Variants in GANC observed in about 807,000 individuals in gnomAD.
GANC encodes glucosidase alpha, neutral C, also known as neutral alpha-glucosidase C.
Under a neutral mutation model 124.2 loss-of-function variants are expected in GANC, and 117 were observed. That is an observed-to-expected ratio of 0.94 (90% CI 0.81 to 1.10). The LOEUF (loss-of-function observed/expected upper bound fraction) is 1.10. Ranked by LOEUF, GANC falls within the 50% of genes least tolerant of loss-of-function variation. GANC has a pLI of 0.00. For missense variants in GANC, 1,140 were observed against 1,095.0 expected, an observed-to-expected ratio of 1.04 and a Z score of -0.58; for synonymous variants, 377 against 376.8, an observed-to-expected ratio of 1.00 and a Z score of -0.01.
rs973652455 is a variant in GANC, at chr15:42,291,470, C to T, written c.330-1265C>T. On this transcript the variant is annotated intron_variant, in intron 4 of 23. Coordinates refer to ENST00000318010, the MANE Select transcript of GANC (RefSeq NM_198141.3). ...GTTGAAGTGGATTTGTTTCATGCAACCAGCTCATCTAGCCCCTCTGGATTC... is the reference window on the plus strand; with the variant it reads ...GTTGAAGTGGATTTGTTTCATGCAATCAGCTCATCTAGCCCCTCTGGATTC... Among the ~76,000 whole-genome samples, 5 of 152,146 alleles carry T rather than the reference C, an allele frequency of 3.3e-5. 1 individual carries two copies. The highest frequency in any genetic ancestry group is 2.1e-4 in the South Asian group (1 of 4,824).
intron 4 of GANC, among the ~76,000 whole-genome samples, chr15:42,290,165 C>G (rs11638784): frequency 0.73 from 111,058 of 152,168 alleles, 43,135 homozygotes; most frequent in Middle Eastern, 0.87. Context: ...CTTAAATGAC[C>G]ACTGGTGGTC....
Position 42,273,226 on chromosome 15 carries a change from G to A in GANC, c.-1256G>A, listed in dbSNP as rs760253720. On this transcript the variant is annotated 5_prime_UTR_variant, in exon 1 of 24. Coordinates refer to ENST00000318010, the MANE Select transcript of GANC (RefSeq NM_198141.3). ...GTAGCCCCACCCCTTGCTCCTCTAGGTTCAGACGTTAGTGAAGTGAATACT... is the reference window on the plus strand; with the variant it reads ...GTAGCCCCACCCCTTGCTCCTCTAGATTCAGACGTTAGTGAAGTGAATACT... 1.8e-5 allele frequency: 29 copies of A among 1,612,970 alleles called. No individual in the cohort carries two copies. The highest frequency in any genetic ancestry group is 1.7e-4 in the Admixed American group (10 of 59,980).
intron 21 of GANC, 55 bp downstream of exon 21, chr15:42,348,271 C>G: frequency 4.6e-6 from 5 of 1,084,788 alleles, no homozygotes; most frequent in Non-Finnish European, 7.0e-6. Context: ...ACAGTGATAG[C>G]CTTTTGAGTG....
chr15:42,337,258 G>C (rs560211036), intron 15 of GANC, among the ~76,000 whole-genome samples: 2 of 152,300 alleles, frequency 1.3e-5, no homozygotes, highest in East Asian at 3.9e-4. Flanking sequence ...TGGTAAACTG[G>C]ATAAAGAAAA....
intron 18 of GANC, among the ~76,000 whole-genome samples, chr15:42,342,416 T>A (rs910002333): frequency 6.6e-6 from 1 of 152,030 alleles, no homozygotes; most frequent in Non-Finnish European, 1.5e-5. Context: ...ACCCTGTCTC[T>A]ACAAAAAATT....
intron 15 of GANC, among the ~76,000 whole-genome samples, chr15:42,336,286 T>C (rs771341617): frequency 1.1e-4 from 16 of 152,050 alleles, no homozygotes; most frequent in Non-Finnish European, 2.4e-4. Flanking sequence ...AAAACAGGCA[T>C]GTAGACCAAT....
At chr15:42,300,911 G>A (rs1314234587) in intron 6 of GANC, among the ~76,000 whole-genome samples, 2 of 151,990 alleles carry the variant, frequency 1.3e-5, no homozygotes, top group African/African-American at 4.8e-5. Flanking sequence ...CCAGCTACTA[G>A]GGAGGCTGAA....
At chr15:42,292,000 T>G (rs994927916) in intron 4 of GANC, among the ~76,000 whole-genome samples, 29 of 152,246 alleles carry the variant, frequency 1.9e-4, no homozygotes, top group Non-Finnish European at 4.0e-4. Context: ...CTTTTTACCT[T>G]CCTGAAAGAG....
intron 13 of GANC, 47 bp from the exon 14 acceptor site, chr15:42,329,259 T>C (rs1478337585): frequency 6.3e-7 from 1 of 1,575,084 alleles, no homozygotes; most frequent in African/African-American, 1.4e-5. Flanking sequence ...AGCTATTATA[T>C]AGACATCATC....
chr15:42,273,249 A>T lies in GANC; in HGVS notation c.-1233A>T, dbSNP rs888073236. ...AGGTTCAGACGTTAGTGAAGTGAAT[A>T]CTCACCGACGGTATCGGAATGTGCC... On this transcript the variant is annotated 5_prime_UTR_variant, in exon 1 of 24. Coordinates refer to ENST00000318010, the MANE Select transcript of GANC (RefSeq NM_198141.3). 1.2e-6 allele frequency: 2 copies of T among 1,613,832 alleles called. No individual in the cohort carries two copies. The highest frequency in any genetic ancestry group is 1.3e-5 in the African/African-American group (1 of 74,870).
At chr15:42,287,856 A>G in intron 4 of GANC, 38 bp downstream of exon 4, 1 of 1,582,512 alleles carries the variant, frequency 6.3e-7, no homozygotes, top group Non-Finnish European at 8.6e-7. Flanking sequence ...GACACGCTTG[A>G]TATATTCTTT....
At chr15:42,330,727 C>T in intron 15 of GANC, 55 bp downstream of exon 15, 1 of 1,132,892 alleles carries the variant, frequency 8.8e-7, no homozygotes, top group Non-Finnish European at 1.3e-6. Flanking sequence ...TTTTTTTAAC[C>T]ATTTATAGAA....
chr15:42,340,281 A>G (rs1455669047), intron 17 of GANC, among the ~76,000 whole-genome samples: 1 of 152,206 alleles, frequency 6.6e-6, no homozygotes, highest in Non-Finnish European at 1.5e-5. Flanking sequence ...TATGAAAAAG[A>G]GTCTTGGCTC....
intron 6 of GANC, among the ~76,000 whole-genome samples, chr15:42,298,766 G>C (rs2051916156): frequency 6.6e-6 from 1 of 152,120 alleles, no homozygotes; most frequent in African/African-American, 2.4e-5. Flanking sequence ...TCCTTGAAGA[G>C]GCCCTTCACA....
chr15:42,296,275 T>C (rs1404243343), intron 5 of GANC, among the ~76,000 whole-genome samples: 1 of 152,178 alleles, frequency 6.6e-6, no homozygotes, highest in African/African-American at 2.4e-5. Flanking sequence ...ATATATCTAC[T>C]CTTACTCTCT....
intron 6 of GANC, among the ~76,000 whole-genome samples, chr15:42,303,169 C>T (rs184084822): frequency 6.6e-6 from 1 of 152,278 alleles, no homozygotes; most frequent in East Asian, 1.9e-4. Context: ...TGCAGAAGCC[C>T]TACAAGCCAG....
At chr15:42,314,368 CA>C (rs1264674226) in intron 10 of GANC, 1 of 506,434 alleles carries the variant, frequency 2.0e-6, no homozygotes, top group Non-Finnish European at 3.5e-6. Flanking sequence ...AGGCATCTGA[CA>C]ACTTCTACCA....
chr15:42,340,049 A>G (rs565539850), intron 17 of GANC, 137 bp downstream of exon 17: 1 of 1,192,766 alleles, frequency 8.4e-7, no homozygotes, highest in African/African-American at 1.5e-5. Flanking sequence ...AGTTTCAATA[A>G]GCTTATTGAG....
chr15:42,317,733 T>C (rs2052120711), intron 10 of GANC, among the ~76,000 whole-genome samples: 2 of 152,198 alleles, frequency 1.3e-5, no homozygotes, highest in South Asian at 4.1e-4. Context: ...GTCTAGCCCA[T>C]GTTCAGTTCC....
Sources: gnomAD v4.1 joint callset for allele counts (sites outside exome capture counted in the v4.1 genomes callset) on GRCh38, gnomAD v4.1.1 for gene constraint, MANE v1.5 for transcripts, NCBI Gene and HGNC (gene_info 2026-07-23, HGNC 2026-07-21) for gene names.